ARHGAP15: variants seen among roughly 807,000 people sequenced by gnomAD.
ARHGAP15 encodes Rho GTPase activating protein 15, also known as rho GTPase-activating protein 15.
ARHGAP15 carries 51 observed loss-of-function variants against 63.7 expected under a neutral mutation model. The ratio of observed to expected loss-of-function variants is 0.80; its 90% CI spans 0.64 to 1.01. The LOEUF is 1.01. Ranked by LOEUF, ARHGAP15 falls within the 50% of genes least tolerant of loss-of-function variation. ARHGAP15 has a pLI of 0.00. For synonymous variants in ARHGAP15, 191 were observed against 193.8 expected, an observed-to-expected ratio of 0.99 and a Z score of 0.12; for missense variants, 560 against 564.6, an observed-to-expected ratio of 0.99 and a Z score of 0.08.
At chr2:143,546,423 C>T (rs1695331884) in intron 10 of ARHGAP15, among the ~76,000 whole-genome samples, 2 of 151,752 alleles carry the variant, frequency 1.3e-5, no homozygotes, top group Admixed American at 1.3e-4. Context: ...TATTGTGTTT[C>T]TTTAATTTAT....
At chr2:143,386,383 A>G (rs1305620211) in intron 6 of ARHGAP15, among the ~76,000 whole-genome samples, 2 of 152,198 alleles carry the variant, frequency 1.3e-5, no homozygotes, top group Admixed American at 1.3e-4. Flanking sequence ...TTTTGTAGTT[A>G]AGGAATACAA....
rs559426856 is a variant in ARHGAP15, at chr2:143,284,448, T to A, written c.474+33848T>A. ...GCAATATGAAGTTTATATATGAGTA[T>A]GTTTATTCCAAGAGCTGCCAATTTG... On this transcript the variant is annotated intron_variant, in intron 6 of 13. Coordinates refer to ENST00000295095, the MANE Select transcript of ARHGAP15 (RefSeq NM_018460.4). Among the ~76,000 whole-genome samples the A allele has an allele frequency of 1.1e-4, 17 of 152,320 alleles. No individual in the cohort carries two copies. The East Asian group carries it at 3.3e-3, about 29-fold the overall frequency.
intron 12 of ARHGAP15, among the ~76,000 whole-genome samples, chr2:143,692,623 G>A (rs569157161): frequency 6.6e-5 from 10 of 152,268 alleles, no homozygotes; most frequent in African/African-American, 1.9e-4. Flanking sequence ...GTAGCCCTTC[G>A]TTTGATGGGT....
At chr2:143,431,567 T>G (rs1032882776) in intron 6 of ARHGAP15, among the ~76,000 whole-genome samples, 3 of 152,068 alleles carry the variant, frequency 2.0e-5, no homozygotes, top group African/African-American at 7.2e-5. Context: ...ACTTTCATGA[T>G]GTAAATGTGC....
chr2:143,632,505 T>A (rs1176650027), intron 12 of ARHGAP15, among the ~76,000 whole-genome samples: 1 of 152,084 alleles, frequency 6.6e-6, no homozygotes, highest in Non-Finnish European at 1.5e-5. Flanking sequence ...CTGGTTTTTT[T>A]TAAATGATTA....
At chr2:143,486,594 C>T (rs1161438871) in intron 8 of ARHGAP15, among the ~76,000 whole-genome samples, 1 of 151,900 alleles carries the variant, frequency 6.6e-6, no homozygotes, top group Non-Finnish European at 1.5e-5. Flanking sequence ...AGGAAGAAGA[C>T]ATCTTGGATG....
At chr2:143,169,130 G>A (rs1384222632) in intron 2 of ARHGAP15, among the ~76,000 whole-genome samples, 1 of 151,984 alleles carries the variant, frequency 6.6e-6, no homozygotes, top group African/African-American at 2.4e-5. Flanking sequence ...TCTCCTCTTT[G>A]CTTTCTAATT....
intron 8 of ARHGAP15, among the ~76,000 whole-genome samples, chr2:143,439,923 G>T (rs1242798022): frequency 6.6e-6 from 1 of 151,868 alleles, no homozygotes; most frequent in Non-Finnish European, 1.5e-5. Context: ...AATTAAAACT[G>T]GGTGTTTTCT....
intron 2 of ARHGAP15, among the ~76,000 whole-genome samples, chr2:143,196,098 CA>C (rs1691876216): frequency 6.6e-6 from 1 of 151,906 alleles, no homozygotes; most frequent in South Asian, 2.1e-4. Flanking sequence ...CTAATAAGAA[CA>C]AAGAGGAATT....
chr2:143,547,773 AAGG>A (rs1695394351), intron 10 of ARHGAP15, among the ~76,000 whole-genome samples: 1 of 151,926 alleles, frequency 6.6e-6, no homozygotes, highest in Non-Finnish European at 1.5e-5. Context: ...AACATGAATG[AAGG>A]AGATGAAGAA....
At chr2:143,282,104 A>C (rs995742739) in intron 6 of ARHGAP15, among the ~76,000 whole-genome samples, 4 of 152,108 alleles carry the variant, frequency 2.6e-5, no homozygotes, top group Non-Finnish European at 4.4e-5. Context: ...CTTGTAAATA[A>C]ATTTGTAAAT....
At position 143,768,173 on chromosome 2, in the gene ARHGAP15, C is replaced by CAGACA. The variant is rs767708435; in HGVS notation, c.*9_*13dup. The CAGACA allele has an allele frequency of 2.5e-6, 4 of 1,612,368 alleles. No individual in the cohort carries two copies. Among genetic ancestry groups the CAGACA allele is most frequent in the African/African-American group, 2.7e-5 (2 of 74,848 alleles). On this transcript the variant is annotated 3_prime_UTR_variant, in exon 14 of 14. Transcript: ENST00000295095. ...GATCTTCGGCTCAGAGGAAGACTGA[C>CAGACA]AGACAAGACAAGCTACTGAATACGT...
chr2:143,347,643 A>C (rs1685354513), intron 6 of ARHGAP15, among the ~76,000 whole-genome samples: 1 of 152,130 alleles, frequency 6.6e-6, no homozygotes, highest in Non-Finnish European at 1.5e-5. Context: ...TAGAACATTT[A>C]CGTTTGTTAT....
At chr2:143,201,071 T>TC (rs1341038533) in intron 2 of ARHGAP15, among the ~76,000 whole-genome samples, 1 of 152,070 alleles carries the variant, frequency 6.6e-6, no homozygotes, top group Non-Finnish European at 1.5e-5. Context: ...TAGGGGAAAC[T>TC]CAATGGCCAA....
At chr2:143,525,724 C>T (rs1019325976) in intron 10 of ARHGAP15, among the ~76,000 whole-genome samples, 2 of 151,960 alleles carry the variant, frequency 1.3e-5, no homozygotes, top group Non-Finnish European at 2.9e-5. Flanking sequence ...GGGGTAGTCA[C>T]GCTGGGGCCT....
At chr2:143,376,832 C>G (rs1253743901) in intron 6 of ARHGAP15, among the ~76,000 whole-genome samples, 1 of 151,952 alleles carries the variant, frequency 6.6e-6, no homozygotes, top group East Asian at 1.9e-4. Context: ...TTTGAGATGT[C>G]GAATATTTAA....
At chr2:143,730,717 T>G (rs1290279071) in intron 13 of ARHGAP15, among the ~76,000 whole-genome samples, 1 of 152,114 alleles carries the variant, frequency 6.6e-6, no homozygotes, top group Non-Finnish European at 1.5e-5. Context: ...CACGTTTATA[T>G]TCCACAGTGC....
chr2:143,686,697 TGCTTA>T (rs1311775418), intron 12 of ARHGAP15, among the ~76,000 whole-genome samples: 2 of 152,178 alleles, frequency 1.3e-5, no homozygotes, highest in Admixed American at 1.3e-4. Context: ...CAATTTCCTG[TGCTTA>T]AATGTGTCTG....
chr2:143,147,512 A>G (rs1319578480), intron 1 of ARHGAP15, among the ~76,000 whole-genome samples: 2 of 151,944 alleles, frequency 1.3e-5, no homozygotes, highest in Non-Finnish European at 2.9e-5. Context: ...CCCTAAATGT[A>G]ATTACAATGG....
Sources: allele counts gnomAD v4.1 joint callset (sites outside exome capture counted in the v4.1 genomes callset), GRCh38; gene constraint gnomAD v4.1.1; transcripts MANE v1.5; gene names NCBI Gene and HGNC (gene_info 2026-07-23, HGNC 2026-07-21).